The following CHCHD3 variants were observed in gnomAD, a reference collection of about 807,000 sequenced individuals.
The protein encoded by CHCHD3 is MICOS complex subunit MIC19.
In CHCHD3, 20 loss-of-function variants were observed where a neutral mutation model predicts 38.2. That is an observed-to-expected ratio of 0.52 (90% CI 0.37 to 0.76). CHCHD3 has a LOEUF of 0.76. CHCHD3 is among the 30% of genes least tolerant of loss of function. CHCHD3 has a pLI of 0.00. For synonymous variants in CHCHD3, 82 were observed against 100.0 expected (o/e 0.82, Z 1.07); for missense variants, 245 against 279.2 (o/e 0.88, Z 0.87).
At chr7:132,891,829 T>G (rs1346608618) in intron 4 of CHCHD3, among the ~76,000 whole-genome samples, 1 of 152,136 alleles carries the variant, frequency 6.6e-6, no homozygotes, top group Admixed American at 6.5e-5. Context: ...GCTCACAAGA[T>G]CTGATGGTTT....
chr7:133,035,534 C>A lies in CHCHD3; in HGVS notation c.170-10907G>T. 1 of 1,613,558 alleles carries A rather than the reference C, an allele frequency of 6.2e-7. No homozygotes were observed. The highest frequency in any genetic ancestry group is 8.5e-7 in the Non-Finnish European group (1 of 1,179,494). On this transcript the variant is annotated intron_variant, in intron 2 of 7. Coordinates refer to ENST00000262570, the MANE Select transcript of CHCHD3 (RefSeq NM_017812.4). This position sits in a 1 kb window ranked among gnomAD's most constrained non-coding sequence, Gnocchi z 4.7. ...TTCGCCTCACTTCCTCCTTTGCATTCTCAGTGGCCTGTTTGTTGTGGTGCA... is the reference window on the plus strand; with the variant it reads ...TTCGCCTCACTTCCTCCTTTGCATTATCAGTGGCCTGTTTGTTGTGGTGCA...
chr7:132,835,190 C>T (rs1398742152), intron 6 of CHCHD3, among the ~76,000 whole-genome samples: 1 of 150,538 alleles, frequency 6.6e-6, no homozygotes, highest in African/African-American at 2.4e-5. Flanking sequence ...CCATGTTGGA[C>T]AGGCTGGTCT....
intron 3 of CHCHD3, among the ~76,000 whole-genome samples, chr7:133,012,924 G>A (rs1020220574): frequency 2.0e-5 from 3 of 151,708 alleles, no homozygotes; most frequent in South Asian, 2.1e-4. Context: ...GGTGTCTAAC[G>A]CTTGTAATCC....
chr7:132,908,844 T>C (rs1036789594), intron 4 of CHCHD3, among the ~76,000 whole-genome samples: 1 of 152,246 alleles, frequency 6.6e-6, no homozygotes, highest in African/African-American at 2.4e-5. Flanking sequence ...TCATATTTGT[T>C]ATATCATTTA....
In CHCHD3 at chr7:132,917,273, C is replaced by A. The variant is rs142882921; in HGVS notation, c.370-31528G>T. Reference sequence around the variant, plus strand: ...GTTTCCATCTTTAAACTAAATCCCCCCTGCTGAAATTGAATTCTTACAAAA... The same window carrying A: ...GTTTCCATCTTTAAACTAAATCCCCACTGCTGAAATTGAATTCTTACAAAA... On this transcript the variant is annotated intron_variant, in intron 4 of 7. Coordinates refer to ENST00000262570, the MANE Select transcript of CHCHD3 (RefSeq NM_017812.4). 6.6e-3 allele frequency among the ~76,000 whole-genome samples: 993 copies of A among 150,646 alleles called. 11 individuals carry two copies. The highest frequency in any genetic ancestry group is 0.022 in the African/African-American group (920 of 41,264).
chr7:132,975,705 T>A (rs1811746661), intron 3 of CHCHD3, among the ~76,000 whole-genome samples: 1 of 152,066 alleles, frequency 6.6e-6, no homozygotes, highest in African/African-American at 2.4e-5. Context: ...CCAAGGCAAG[T>A]GGACCACTTG....
At chr7:132,984,275 G>C (rs971406806) in intron 3 of CHCHD3, among the ~76,000 whole-genome samples, 2 of 151,670 alleles carry the variant, frequency 1.3e-5, no homozygotes, top group African/African-American at 4.8e-5. Flanking sequence ...GTGTTGGCCG[G>C]GCTGGTCTCC....
chr7:132,815,109 G>A (rs914101792), intron 6 of CHCHD3, among the ~76,000 whole-genome samples: 3 of 152,184 alleles, frequency 2.0e-5, no homozygotes, highest in Non-Finnish European at 2.9e-5. Flanking sequence ...GCATTTCAAC[G>A]TGATGGCAAA....
chr7:132,923,244 C>T (rs533640629), intron 4 of CHCHD3, among the ~76,000 whole-genome samples: 2 of 152,174 alleles, frequency 1.3e-5, no homozygotes, highest in South Asian at 4.2e-4. Flanking sequence ...TCAAAAAGGA[C>T]ATGAATAGTC....
intron 4 of CHCHD3, among the ~76,000 whole-genome samples, chr7:132,891,851 G>C (rs1276875650): frequency 6.6e-6 from 1 of 152,196 alleles, no homozygotes; most frequent in Non-Finnish European, 1.5e-5. Flanking sequence ...ATAAGCATTT[G>C]ACGGTTCCTC....
At chr7:132,789,293 G>A (rs984415926) in intron 7 of CHCHD3, among the ~76,000 whole-genome samples, 4 of 152,166 alleles carry the variant, frequency 2.6e-5, no homozygotes, top group Non-Finnish European at 5.9e-5. Context: ...TTAATGTGGA[G>A]AAAGAAATTC....
intron 5 of CHCHD3, among the ~76,000 whole-genome samples, chr7:132,851,012 T>C (rs969297849): frequency 2.0e-5 from 3 of 152,204 alleles, no homozygotes; most frequent in African/African-American, 7.2e-5. Flanking sequence ...TAAAAGTTTA[T>C]TCTGACCCCT....
rs1813653451 is a variant in CHCHD3, at chr7:133,035,675, C to T, written c.170-11048G>A. ...CCTCTGGAGTACTTCCCCGCAGCTC[C>T]TCATTGCTCACATAGTAGGCAATGG... On this transcript the variant is annotated intron_variant, in intron 2 of 7. Coordinates refer to ENST00000262570, the MANE Select transcript of CHCHD3 (RefSeq NM_017812.4). The surrounding 1 kb of genome is among the most constrained non-coding windows in gnomAD (Gnocchi z 4.7). 1.2e-6 allele frequency: 2 copies of T among 1,612,882 alleles called. No homozygotes were observed. Among genetic ancestry groups the T allele is most frequent in the Admixed American group, 1.7e-5 (1 of 59,884 alleles).
chr7:132,892,089 A>G (rs1432175086), intron 4 of CHCHD3, among the ~76,000 whole-genome samples: 1 of 152,238 alleles, frequency 6.6e-6, no homozygotes, highest in East Asian at 1.9e-4. Context: ...GCACTGCTAT[A>G]AAGATACAGA....
chr7:133,010,877 C>G (rs1812850919), intron 3 of CHCHD3, among the ~76,000 whole-genome samples: 1 of 152,034 alleles, frequency 6.6e-6, no homozygotes, highest in Non-Finnish European at 1.5e-5. Flanking sequence ...CCCTCATAAA[C>G]TTTTATATTC....
intron 4 of CHCHD3, among the ~76,000 whole-genome samples, chr7:132,930,292 G>A (rs184400068): frequency 1.3e-5 from 2 of 150,372 alleles, no homozygotes; most frequent in African/African-American, 2.4e-5. Context: ...TCAGCCTCCC[G>A]AGTAGCTGGG....
intron 6 of CHCHD3, among the ~76,000 whole-genome samples, chr7:132,808,210 C>A (rs1379688248): frequency 6.6e-6 from 1 of 152,136 alleles, no homozygotes; most frequent in East Asian, 1.9e-4. Context: ...ATGGGGCAAG[C>A]CATTGGGTGT....
At chr7:133,004,924 T>C (rs1812661983) in intron 3 of CHCHD3, among the ~76,000 whole-genome samples, 2 of 152,208 alleles carry the variant, frequency 1.3e-5, no homozygotes, top group Non-Finnish European at 2.9e-5. Flanking sequence ...CCAAAGATTA[T>C]AGTAGAAGTA....
intron 5 of CHCHD3, chr7:132,847,365 C>G (rs185950959): frequency 6.6e-6 from 1 of 152,258 alleles, no homozygotes; most frequent in African/African-American, 2.4e-5. Context: ...GGTGACAGCA[C>G]AAAATCAAGT....
Sources: gnomAD v4.1 joint callset for allele counts (sites outside exome capture counted in the v4.1 genomes callset) on GRCh38, gnomAD v4.1.1 for gene constraint, Gnocchi (gnomAD v3.1) non-coding constraint, MANE v1.5 for transcripts, NCBI Gene and HGNC (gene_info 2026-07-23, HGNC 2026-07-21) for gene names.